FTO: variants seen among roughly 807,000 people sequenced by gnomAD.
FTO encodes FTO alpha-ketoglutarate dependent dioxygenase, also known as alpha-ketoglutarate-dependent dioxygenase FTO.
Under a neutral mutation model 63.9 loss-of-function variants are expected in FTO, and 47 were observed. The observed-to-expected ratio is 0.74, with a 90% CI of 0.58 to 0.94. The LOEUF is 0.94. FTO is among the 40% of genes least tolerant of loss of function. The probability of loss-of-function intolerance (pLI) is 0.00; values close to 1 mark genes in which losing one functional copy is unlikely to be tolerated. For synonymous variants in FTO, 207 were observed against 224.4 expected (o/e 0.92, Z 0.69); for missense variants, 562 against 618.1 (o/e 0.91, Z 0.96).
At chr16:54,018,173 G>A (rs2080366) in intron 8 of FTO, among the ~76,000 whole-genome samples, 79,605 of 151,816 alleles carry the variant, frequency 0.52, 23,372 homozygotes, top group African/African-American at 0.79. Flanking sequence ...TCCATGTTTT[G>A]AATTATTTCC....
intron 7 of FTO, among the ~76,000 whole-genome samples, chr16:53,927,628 G>C (rs1165931689): frequency 6.6e-6 from 1 of 152,092 alleles, no homozygotes; most frequent in Non-Finnish European, 1.5e-5. Flanking sequence ...ATGACCTTGG[G>C]ATAACAACAG....
rs534711083 is a variant in FTO at position 53,919,065 on chromosome 16, T to G, written c.1240-14920T>G. Among the ~76,000 whole-genome samples the G allele has an allele frequency of 3.9e-5, 6 of 152,334 alleles. No homozygotes were observed. In the East Asian group the frequency reaches 7.7e-4, roughly 20 times the overall value. On this transcript the variant is annotated intron_variant, in intron 7 of 8. Coordinates refer to ENST00000471389, the MANE Select transcript of FTO (RefSeq NM_001080432.3). ...TGTCAGTTTACGTATATGTTAGTTT[T>G]GGGCACAGGCGCCTGATGTCTGGGT...
intron 1 of FTO, among the ~76,000 whole-genome samples, chr16:53,762,990 C>T (rs962535002): frequency 2.7e-5 from 4 of 150,010 alleles, no homozygotes; most frequent in Non-Finnish European, 5.9e-5. Context: ...CTGATACGAT[C>T]TTACTTTTAA....
intron 7 of FTO, among the ~76,000 whole-genome samples, chr16:53,920,743 T>C (rs56857766): frequency 9.0e-4 from 137 of 152,270 alleles, no homozygotes; most frequent in African/African-American, 3.2e-3. Context: ...ATATGGTGAT[T>C]GCTGGATGAA....
chr16:54,074,571 G>A (rs2085941358), intron 8 of FTO, among the ~76,000 whole-genome samples: 2 of 151,962 alleles, frequency 1.3e-5, no homozygotes, highest in South Asian at 4.2e-4. Flanking sequence ...GATTATTAAG[G>A]GAAACTAGAA....
intron 1 of FTO, among the ~76,000 whole-genome samples, chr16:53,754,507 G>A (rs1046337497): frequency 3.3e-5 from 5 of 152,122 alleles, no homozygotes; most frequent in South Asian, 2.1e-4. Flanking sequence ...GCACGGTGGC[G>A]GATGCCTATA....
intron 1 of FTO, among the ~76,000 whole-genome samples, chr16:53,802,643 A>G (rs368140752): frequency 6.6e-4 from 101 of 152,124 alleles, no homozygotes; most frequent in South Asian, 2.3e-3. Context: ...CTGTCTTCCA[A>G]TCTCTCTCCT....
At chr16:53,704,333 T>A in intron 1 of FTO, 104 bp downstream of exon 1, 1 of 1,138,154 alleles carries the variant, frequency 8.8e-7, no homozygotes, top group Non-Finnish European at 1.3e-6. Context: ...GGTGTTAAAC[T>A]AAGGGATGAC....
At chr16:53,983,605 A>AACACAC (rs61573789) in intron 8 of FTO, among the ~76,000 whole-genome samples, 33 of 150,704 alleles carry the variant, frequency 2.2e-4, no homozygotes, top group African/African-American at 8.1e-4. Flanking sequence ...CGAATTCACA[A>AACACAC]ACACACACAC....
intron 8 of FTO, among the ~76,000 whole-genome samples, chr16:54,068,550 GC>G (rs1456060494): frequency 2.1e-4 from 32 of 152,064 alleles, no homozygotes; most frequent in African/African-American, 7.2e-4. Flanking sequence ...ATACCTATCT[GC>G]CCCCACATTT....
chr16:53,984,903 C>T (rs374665242), intron 8 of FTO: 25 of 455,718 alleles, frequency 5.5e-5, no homozygotes, highest in Admixed American at 1.6e-4. Context: ...TTTCAGGACA[C>T]GGAGTAAAAT....
At chr16:53,705,437 G>C (rs2075581722) in intron 1 of FTO, among the ~76,000 whole-genome samples, 1 of 152,128 alleles carries the variant, frequency 6.6e-6, no homozygotes, top group African/African-American at 2.4e-5. Flanking sequence ...ACTTTATCGG[G>C]CTTCAGGGCC....
At chr16:53,730,622 G>A (rs985550986) in intron 1 of FTO, among the ~76,000 whole-genome samples, 3 of 152,090 alleles carry the variant, frequency 2.0e-5, no homozygotes, top group African/African-American at 7.2e-5. Context: ...AGCCTCGTGA[G>A]TAGCTGGGAC....
chr16:53,894,116 CTTG>C lies in FTO; in HGVS notation c.1239+5171_1239+5173del, dbSNP rs372993927. 6.6e-5 allele frequency among the ~76,000 whole-genome samples: 10 copies of C among 152,180 alleles called. No individual in the cohort carries two copies. In the East Asian group the frequency reaches 1.9e-3, roughly 29 times the overall value. On this transcript the variant is annotated intron_variant, in intron 7 of 8. Transcript: ENST00000471389. The stretch of plus-strand genomic sequence containing the variant: ...TTTTATTTAATAATGTAACCAGTTT[CTTG>C]TTGTTAAAGTTTTAAGAGAGAAATG...
At chr16:53,711,995 G>T (rs1296227696) in intron 1 of FTO, among the ~76,000 whole-genome samples, 1 of 152,142 alleles carries the variant, frequency 6.6e-6, no homozygotes, top group South Asian at 2.1e-4. Context: ...TGAGGCCAAG[G>T]TGGAGGAGGC....
intron 1 of FTO, among the ~76,000 whole-genome samples, chr16:53,742,823 G>A (rs1163895000): frequency 6.6e-6 from 1 of 152,192 alleles, no homozygotes. Flanking sequence ...TGTTGAAGGA[G>A]CGCTTTCCAC....
At chr16:53,815,926 G>A (rs2078672668) in intron 2 of FTO, among the ~76,000 whole-genome samples, 1 of 152,034 alleles carries the variant, frequency 6.6e-6, no homozygotes, top group Non-Finnish European at 1.5e-5. Flanking sequence ...TGGGATTACA[G>A]GTGTGAGCCA....
chr16:54,070,285 A>T (rs929357831), intron 8 of FTO: 24 of 152,180 alleles, frequency 1.6e-4, no homozygotes, highest in African/African-American at 4.3e-4. Flanking sequence ...TTTCTAGGAC[A>T]TCCTGATTTT....
At position 53,891,053 on chromosome 16, in the gene FTO, C is replaced by G. The variant is rs546486464; in HGVS notation, c.1239+2102C>G. ...TTGCCCAGGCTGGAGTGCGATGGCGCGATCTCAGCTCACTGCAACCTCCGC... is the reference window on the plus strand; with the variant it reads ...TTGCCCAGGCTGGAGTGCGATGGCGGGATCTCAGCTCACTGCAACCTCCGC... On this transcript the variant is annotated intron_variant, in intron 7 of 8. Transcript: ENST00000471389. Among the ~76,000 whole-genome samples, 215 of 151,220 alleles carry G rather than the reference C, an allele frequency of 1.4e-3. 1 individual carries two copies. The highest frequency in any genetic ancestry group is 5.0e-3 in the African/African-American group (205 of 41,224).
Sources: gnomAD v4.1 joint callset for allele counts (sites outside exome capture counted in the v4.1 genomes callset) on GRCh38, gnomAD v4.1.1 for gene constraint, MANE v1.5 for transcripts, NCBI Gene and HGNC (gene_info 2026-07-23, HGNC 2026-07-21) for gene names.